LIPC: variants seen among roughly 807,000 people sequenced by gnomAD.
LIPC encodes the protein lipase C, hepatic type, also known as hepatic triacylglycerol lipase.
In LIPC, 44 loss-of-function variants were observed where a neutral mutation model predicts 50.7. The observed-to-expected ratio is 0.87, with a 90% CI of 0.68 to 1.11. The LOEUF is 1.11. LIPC is among the 50% of genes most tolerant of loss of function. The pLI, the probability that LIPC is intolerant of heterozygous loss-of-function variation, is 0.00. For missense variants in LIPC, 697 were observed against 648.2 expected (o/e 1.08, Z -0.82); for synonymous variants, 271 against 256.4 (o/e 1.06, Z -0.54).
At chr15:58,548,968 C>A (rs56176178) in intron 6 of LIPC, among the ~76,000 whole-genome samples, 1 of 152,058 alleles carries the variant, frequency 6.6e-6, no homozygotes, top group Non-Finnish European at 1.5e-5. Flanking sequence ...TTCACGGCCC[C>A]CATGAAAAAA....
chr15:58,534,227 C>T (rs761829581), intron 1 of LIPC, among the ~76,000 whole-genome samples: 17 of 152,146 alleles, frequency 1.1e-4, no homozygotes, highest in East Asian at 9.6e-4. Context: ...GATGCCCAGT[C>T]GAGAGCTGGT....
intron 1 of LIPC, among the ~76,000 whole-genome samples, chr15:58,490,153 A>C (rs1891535852): frequency 2.0e-5 from 3 of 152,194 alleles, no homozygotes; most frequent in Non-Finnish European, 4.4e-5. Context: ...GATGTTTAGG[A>C]AACTTGCTAA....
At chr15:58,463,385 A>C (rs1894423584) in intron 1 of LIPC, among the ~76,000 whole-genome samples, 1 of 152,160 alleles carries the variant, frequency 6.6e-6, no homozygotes, top group Non-Finnish European at 1.5e-5. Context: ...TGTGACCCAG[A>C]CCACACCAAG....
At chr15:58,525,157 A>G (rs1342802845) in intron 1 of LIPC, among the ~76,000 whole-genome samples, 1 of 152,126 alleles carries the variant, frequency 6.6e-6, no homozygotes, top group Admixed American at 6.5e-5. Context: ...TCCCAATACT[A>G]TTTTTTAAAG....
intron 3 of LIPC, 31 bp from the exon 4 acceptor site, chr15:58,542,503 C>T: frequency 7.0e-7 from 1 of 1,433,100 alleles, no homozygotes. Context: ...GGCAGCTCTT[C>T]TCCTGCCCCC....
intron 6 of LIPC, among the ~76,000 whole-genome samples, chr15:58,552,930 T>C (rs1389636622): frequency 2.0e-5 from 3 of 152,058 alleles, no homozygotes; most frequent in Non-Finnish European, 2.9e-5. Context: ...TGCAGGTGGG[T>C]CTCAAAACCT....
chr15:58,457,380 G>T (rs565026946), intron 1 of LIPC, among the ~76,000 whole-genome samples: 1 of 152,186 alleles, frequency 6.6e-6, no homozygotes, highest in Non-Finnish European at 1.5e-5. Context: ...AAAGTGCTGG[G>T]ATTACAGGCG....
At chr15:58,558,524 A>T (rs1464351333) in intron 6 of LIPC, among the ~76,000 whole-genome samples, 4 of 152,224 alleles carry the variant, frequency 2.6e-5, no homozygotes, top group Non-Finnish European at 5.9e-5. Flanking sequence ...TCCGGGCCTC[A>T]CAGCCAGAGG....
intron 8 of LIPC, chr15:58,565,357 C>T (rs1336144825): frequency 2.0e-6 from 3 of 1,525,138 alleles, no homozygotes; most frequent in Non-Finnish European, 2.6e-6. Flanking sequence ...CCTGACAATC[C>T]CATGTGGCTT....
chr15:58,485,729 T>G (rs577553472), intron 1 of LIPC, among the ~76,000 whole-genome samples: 1 of 152,364 alleles, frequency 6.6e-6, no homozygotes, highest in Admixed American at 6.5e-5. Context: ...GCCCTGTCAT[T>G]TGTGGCATAA....
intron 6 of LIPC, among the ~76,000 whole-genome samples, chr15:58,558,108 CTG>C (rs542115144): frequency 1.6e-4 from 24 of 151,558 alleles, no homozygotes; most frequent in African/African-American, 5.8e-4. Context: ...GACTCTTGCC[CTG>C]TCACCAGGCT....
chr15:58,479,843 G>C (rs1364797557), intron 1 of LIPC, among the ~76,000 whole-genome samples: 3 of 152,124 alleles, frequency 2.0e-5, no homozygotes, highest in African/African-American at 7.2e-5. Context: ...ACAAAAATTA[G>C]AGTCATAAAA....
At chr15:58,457,301 G>C (rs1231172009) in intron 1 of LIPC, among the ~76,000 whole-genome samples, 1 of 152,120 alleles carries the variant, frequency 6.6e-6, no homozygotes, top group Non-Finnish European at 1.5e-5. Context: ...GCAGAGACAG[G>C]GTTTCTCCAC....
chr15:58,567,277 GTGTGTATA>G (rs1260380124), intron 8 of LIPC, among the ~76,000 whole-genome samples: 3 of 82,334 alleles, frequency 3.6e-5, no homozygotes, highest in East Asian at 5.8e-4. Flanking sequence ...GTGTGTGTGT[GTGTGTATA>G]TATATATACA....
At chr15:58,440,421 G>A (rs1893464838) in intron 1 of LIPC, among the ~76,000 whole-genome samples, 1 of 152,182 alleles carries the variant, frequency 6.6e-6, no homozygotes, top group Non-Finnish European at 1.5e-5. Flanking sequence ...AAAGTGGTAA[G>A]AAAACAAACT....
intron 1 of LIPC, among the ~76,000 whole-genome samples, chr15:58,457,853 C>G (rs1182051571): frequency 6.6e-6 from 1 of 152,196 alleles, no homozygotes; most frequent in East Asian, 1.9e-4. Flanking sequence ...CTTTTCCACT[C>G]TATCCCGGGC....
chr15:58,470,010 G>A (rs77180805), intron 1 of LIPC, among the ~76,000 whole-genome samples: 17,102 of 147,392 alleles, frequency 0.12, 1,187 homozygotes, highest in Non-Finnish European at 0.17. Flanking sequence ...ATGCCTCACT[G>A]CAGTCTTGAC....
chr15:58,490,852 G>T (rs71478671), intron 1 of LIPC, among the ~76,000 whole-genome samples: 17,511 of 152,138 alleles, frequency 0.12, 1,230 homozygotes, highest in Non-Finnish European at 0.17. Context: ...GGCAGCACTT[G>T]CAAAAATTTC....
intron 7 of LIPC, among the ~76,000 whole-genome samples, chr15:58,561,968 A>G (rs1205757343): frequency 6.6e-6 from 1 of 152,142 alleles, no homozygotes; most frequent in Non-Finnish European, 1.5e-5. Flanking sequence ...TTTTATTTTT[A>G]GTTTACATGG....
Sources: gnomAD v4.1 joint callset for allele counts (sites outside exome capture counted in the v4.1 genomes callset) on GRCh38, gnomAD v4.1.1 for gene constraint, MANE v1.5 for transcripts, NCBI Gene and HGNC (gene_info 2026-07-23, HGNC 2026-07-21) for gene names.